The following RASAL3 variants were observed in gnomAD, a reference collection of about 807,000 sequenced individuals.
RASAL3 encodes RAS protein activator like-3.
A neutral mutation model predicts 105.5 loss-of-function variants in RASAL3; 74 were observed. The ratio of observed to expected loss-of-function variants is 0.70; its 90% confidence interval spans 0.58 to 0.85. The LOEUF (loss-of-function observed/expected upper bound fraction) is 0.85. RASAL3 is among the 40% of genes least tolerant of loss of function. RASAL3 has a pLI of 0.00. For synonymous variants in RASAL3, 579 were observed against 591.6 expected (o/e 0.98, Z 0.31); for missense variants, 1,352 against 1,392.0 (o/e 0.97, Z 0.46).
At chr19:15,462,906 G>C (rs868757073) in intron 2 of RASAL3, among the ~76,000 whole-genome samples, 4 of 148,830 alleles carry the variant, frequency 2.7e-5, no homozygotes, top group African/African-American at 9.9e-5. Context: ...AGCCGAGATC[G>C]CGCCACTGCA....
In RASAL3 at chr19:15,461,244, A is replaced by T. The variant is rs774472231; in HGVS notation, c.518T>A (p.Val173Glu). Residue 173 changes from valine to glutamate, a missense_variant, in exon 4 of 18, where the codon GTG becomes GAG. Val to Glu is a moderately radical substitution (Grantham distance 121). This residue lies in a region of RASAL3 where 344 missense variants were observed against 339.6 expected (regional missense o/e 1.01). Coordinates refer to ENST00000343625, the MANE Select transcript of RASAL3 (RefSeq NM_022904.3). ...GSASSEGSIH[V>E]AMGNFRDPDR... ...TGGATCCCTGAAGTTCCCCATGGCC[A>T]CGTGGATGCTGCCCTCGGAGCTAGC... The T allele has an allele frequency of 1.2e-6, 2 of 1,613,798 alleles. No homozygotes were observed. Among genetic ancestry groups the T allele is most frequent in the Admixed American group, 1.7e-5 (1 of 59,986 alleles).
At chr19:15,454,062 A>G (rs925717135) in intron 14 of RASAL3, 87 bp downstream of exon 14, 26 of 975,194 alleles carry the variant, frequency 2.7e-5, no homozygotes, top group Non-Finnish European at 2.8e-5. Context: ...CTCTGCTCAC[A>G]ATGATCCAAC....
Position 15,458,631 on chromosome 19 carries a change from C to G in RASAL3, c.687G>C (p.Arg229Ser). 6.2e-7 allele frequency: 1 copy of G among 1,613,434 alleles called. No individual in the cohort carries two copies. Among genetic ancestry groups the G allele is most frequent in the African/African-American group, 1.3e-5 (1 of 75,024 alleles). ...GTTCAGAGAGTGTGGCCAGCGACTCCCTAGAGCCCAGAGCACTGGGGGGTC... is the reference window on the plus strand; with the variant it reads ...GTTCAGAGAGTGTGGCCAGCGACTCGCTAGAGCCCAGAGCACTGGGGGGTC... ...RDGPPSALGSRESLATLSELD... is the reference protein window; with the variant it reads ...RDGPPSALGSSESLATLSELD... The change falls in exon 7 of 18, where the codon AGG becomes AGC. Residue 229 changes from arginine to serine, a missense_variant. By Grantham distance (110) the Arg-to-Ser change is moderately radical (BLOSUM62 -1). Around this residue, in one of 3 missense-constraint regions of RASAL3, gnomAD observed 344 missense variants for 339.6 expected, o/e 1.01. Transcript: ENST00000343625.
At chr19:15,452,547 G>C (rs1195250675) in intron 16 of RASAL3, 111 bp downstream of exon 16, 1 of 982,026 alleles carries the variant, frequency 1.0e-6, no homozygotes, top group African/African-American at 1.7e-5. Flanking sequence ...CGGGGCCAGG[G>C]TGGGGCTTGG....
chr19:15,458,276 G>T, intron 8 of RASAL3, 52 bp downstream of exon 8: 1 of 1,544,152 alleles, frequency 6.5e-7, no homozygotes, highest in Admixed American at 1.9e-5. Flanking sequence ...GGAAGGGGCG[G>T]GCCAGGCCTG....
Position 15,454,452 on chromosome 19 carries a change from G to T in RASAL3, c.2069C>A (p.Ala690Asp). The change falls in exon 13 of 18, where the codon GCC becomes GAC. Residue 690 changes from alanine to aspartate, a missense_variant. Around this residue, in one of 3 missense-constraint regions of RASAL3, gnomAD observed 920 missense variants for 919.6 expected, o/e 1.00. Transcript: ENST00000343625. ...DQVAMVDVDA[A>D]PSGYQGSGDL... is the part of the protein sequence containing the mutation. ...ACCACTGCCCTGGTAACCACTGGGG[G>T]CAGCATCCACATCCACCATGGCTAC... The T allele has an allele frequency of 6.2e-7, 1 of 1,614,008 alleles. No individual in the cohort carries two copies.
rs1305736992 is a variant in RASAL3 at position 15,458,314 on chromosome 19, C to T, written c.888+14G>A. 6.2e-7 allele frequency: 1 copy of T among 1,611,512 alleles called. No individual in the cohort carries two copies. The highest frequency in any genetic ancestry group is 1.3e-5 in the African/African-American group (1 of 74,878). The stretch of plus-strand genomic sequence containing the variant: ...GGCGGGGTCTCCGTGTCCCGCTTTT[C>T]TGAGGGCAATGACCTGGGTGGGCTG... On this transcript the variant is annotated intron_variant, in intron 8 of 17. Transcript: ENST00000343625.
At position 15,457,173 on chromosome 19, in the gene RASAL3, C is replaced by A. The variant is rs1041297768; in HGVS notation, c.1431+119G>T. On this transcript the variant is annotated intron_variant, in intron 9 of 17. Coordinates refer to ENST00000343625, the MANE Select transcript of RASAL3 (RefSeq NM_022904.3). The surrounding 1 kb of genome is among the most constrained non-coding windows in gnomAD (Gnocchi z 8.6). ...GACACTTGGACCACGCCCCTCACAC[C>A]CCTTCAAGGTGTCTCCCCCATTACA... is the stretch of plus-strand genomic sequence containing the variant. 23 of 883,224 alleles carry A rather than the reference C, an allele frequency of 2.6e-5. No homozygotes were observed. In the South Asian group the frequency reaches 5.3e-4, roughly 20 times the overall value. 54.7% of individuals were successfully genotyped at this position (883,224 alleles called of 1,614,324 possible).
chr19:15,457,779 C>A lies in RASAL3; in HGVS notation c.944G>T (p.Gly315Val). The change falls in exon 9 of 18, where the codon GGG (glycine) becomes GTG (valine). Residue 315 changes from glycine to valine, a missense_variant. Around this residue, in one of 3 missense-constraint regions of RASAL3, gnomAD observed 88 missense variants for 132.7 expected, o/e 0.66. Coordinates refer to ENST00000343625, the MANE Select transcript of RASAL3 (RefSeq NM_022904.3). This position sits in a 1 kb window ranked among gnomAD's most constrained non-coding sequence, Gnocchi z 8.6. Reference protein sequence around the residue: ...WLSVWVHEAKGLPRAAAGAPG... With the variant: ...WLSVWVHEAKVLPRAAAGAPG... ...TGCCCCCGCCGCTGCTCGGGGAAGC[C>A]CCTTCGCTTCGTGCACCCACACGCT... 6.5e-7 allele frequency: 1 copy of A among 1,547,968 alleles called. No homozygotes were observed. Among genetic ancestry groups the A allele is most frequent in the Non-Finnish European group, 8.7e-7 (1 of 1,146,534 alleles).
rs1970302622 is a variant in RASAL3, at chr19:15,456,001, T to A, written c.1721+103A>T. ...CATGGTCCCAATTATTGCATCAAAT[T>A]TAACTGAGTGTCTCCTGTATTTTAT... On this transcript the variant is annotated intron_variant, in intron 11 of 17. Transcript: ENST00000343625. This position sits in a 1 kb window ranked among gnomAD's most constrained non-coding sequence, Gnocchi z 4.4. The A allele has an allele frequency of 4.5e-6, 6 of 1,343,964 alleles. No homozygotes were observed. The highest frequency in any genetic ancestry group is 6.1e-6 in the Non-Finnish European group (6 of 976,508). 83.3% of individuals were successfully genotyped at this position (1,343,964 alleles called of 1,614,324 possible).
At chr19:15,462,442 C>T (rs377445865) in intron 2 of RASAL3, among the ~76,000 whole-genome samples, 5 of 150,252 alleles carry the variant, frequency 3.3e-5, no homozygotes, top group East Asian at 2.0e-4. Flanking sequence ...GCTGAGATTC[C>T]GCCACTGCAC....
chr19:15,451,900 CT>C lies in RASAL3; in HGVS notation c.2930del (p.Gln977ArgfsTer2). Reference protein sequence around the residue: ...RLNEMERTQAQLRDAVQSLQL... With the variant: ...RLNEMERTQAXLRDAVQSLQL... ...GCAGGCTCTGGACAGCATCCCTCAGCTGAGCCTGAGTTCTCTCCATCTCATT... is the reference window on the plus strand; with the variant it reads ...GCAGGCTCTGGACAGCATCCCTCAGCGAGCCTGAGTTCTCTCCATCTCATT... On this transcript the variant is annotated frameshift_variant, in exon 18 of 18. Coordinates refer to ENST00000343625, the MANE Select transcript of RASAL3 (RefSeq NM_022904.3). LOFTEE classifies it low-confidence loss of function (END_TRUNC). 6.2e-7 allele frequency: 1 copy of C among 1,608,470 alleles called. No homozygotes were observed. Among genetic ancestry groups the C allele is most frequent in the Middle Eastern group, 1.7e-4 (1 of 6,052 alleles).
At position 15,456,533 on chromosome 19, in the gene RASAL3, G is replaced by C; in HGVS notation, c.1545C>G (p.Leu515=). 1 of 1,613,768 alleles carries C rather than the reference G, an allele frequency of 6.2e-7. No homozygotes were observed. Among genetic ancestry groups the C allele is most frequent in the Non-Finnish European group, 8.5e-7 (1 of 1,179,800 alleles). The change falls in exon 10 of 18, where the codon CTC becomes CTG. Residue 515 remains leucine, a synonymous_variant. Transcript: ENST00000343625. The surrounding 1 kb of genome is among the most constrained non-coding windows in gnomAD (Gnocchi z 4.4). ...ATKAIDEYMK[L]VAQDYLQETL... The stretch of plus-strand genomic sequence containing the variant: ...TCTCCTGGAGGTAATCCTGTGCCAC[G>C]AGCTTCATGTACTCATCGATAGCCT...
chr19:15,461,711 C>A, intron 2 of RASAL3, 104 bp from the exon 3 acceptor site: 1 of 1,403,958 alleles, frequency 7.1e-7, no homozygotes, highest in Non-Finnish European at 9.3e-7. Flanking sequence ...CCTAGGTGCC[C>A]CCCACCCCAG....
chr19:15,453,270 G>A lies in RASAL3; in HGVS notation c.2507C>T (p.Pro836Leu). 6.4e-7 allele frequency: 1 copy of A among 1,555,972 alleles called. No homozygotes were observed. The highest frequency in any genetic ancestry group is 8.7e-7 in the Non-Finnish European group (1 of 1,153,704). Residue 836 changes from proline (P) to leucine (L), a missense_variant, in exon 15 of 18, where the codon CCG becomes CTG. Pro to Leu is a moderately conservative substitution (Grantham distance 98, BLOSUM62 -3). Transcript: ENST00000343625. The surrounding 1 kb of genome is among the most constrained non-coding windows in gnomAD (Gnocchi z 4.2). ...ARRRQSAGPW[P>L]RPKGSLSMGP... is the part of the protein sequence containing the mutation. ...CATGCTCAGGGAGCCTTTGGGTCGC[G>A]GCCAGGGCCCCGCAGATTGGCGGCG...
chr19:15,463,935 T>C, intron 2 of RASAL3, 96 bp downstream of exon 2: 1 of 1,190,844 alleles, frequency 8.4e-7, no homozygotes, highest in Non-Finnish European at 1.1e-6. Flanking sequence ...TCCCCACAAC[T>C]TCCTGTGTCT....
At position 15,452,072 on chromosome 19, in the gene RASAL3, G is replaced by A; in HGVS notation, c.2865C>T (p.Ser955=). Residue 955 remains serine (S), a synonymous_variant, in exon 17 of 18, where the codon AGC becomes AGT. Coordinates refer to ENST00000343625, the MANE Select transcript of RASAL3 (RefSeq NM_022904.3). ...GGTTTTTCAGACTGTGCCCTTCATT[G>A]CTTGTTAGGTTGTGCTCTGAATCAA... ...SEFDSEHNLT[S]NEGHSLKNLE... 6.2e-7 allele frequency: 1 copy of A among 1,613,930 alleles called. No homozygotes were observed. The highest frequency in any genetic ancestry group is 8.5e-7 in the Non-Finnish European group (1 of 1,179,860).
chr19:15,454,189 G>T lies in RASAL3; in HGVS notation c.2239C>A (p.Pro747Thr). The change falls in exon 14 of 18, where the codon CCA becomes ACA. Residue 747 changes from proline to threonine, a missense_variant. This residue lies in a region of RASAL3 where 920 missense variants were observed against 919.6 expected (regional missense o/e 1.00). Coordinates refer to ENST00000343625, the MANE Select transcript of RASAL3 (RefSeq NM_022904.3). ...GCCGGGGGCAGTGGGAGACGCATTG[G>T]CACTGACACAAGCACAGGCTGGCCC... The part of the protein sequence containing the change: ...EEGQPVLVSV[P>T]MRLPLPPAQV... 6.4e-7 allele frequency: 1 copy of T among 1,569,994 alleles called. No individual in the cohort carries two copies. Among genetic ancestry groups the T allele is most frequent in the Non-Finnish European group, 8.6e-7 (1 of 1,157,182 alleles).
rs770500331 is a variant in RASAL3, at chr19:15,454,229, C to T, written c.2199G>A (p.Leu733=). The T allele has an allele frequency of 5.5e-5, 86 of 1,567,854 alleles. No homozygotes were observed. The highest frequency in any genetic ancestry group is 7.0e-5 in the Non-Finnish European group (81 of 1,156,392). ...RDTLEPLPTI[L]RAIEEGQPVL... ...CAGGCTGGCCCTCCTCAATGGCTCG[C>T]AGGATGGTGGGCAGTGGTTCCAGGG... The change falls in exon 14 of 18, where the codon CTG becomes CTA. Residue 733 remains leucine (L), a synonymous_variant. Transcript: ENST00000343625.
Sources: allele counts gnomAD v4.1 joint callset (sites outside exome capture counted in the v4.1 genomes callset), GRCh38; gene constraint gnomAD v4.1.1; regional missense constraint gnomAD v4.1.1; non-coding constraint Gnocchi (gnomAD v3.1); transcripts MANE v1.5; gene names NCBI Gene and HGNC (gene_info 2026-07-23, HGNC 2026-07-21).